Variants in LPP observed in about 807,000 individuals in gnomAD.
LPP encodes the protein lipoma-preferred partner.
LPP carries 38 observed loss-of-function variants against 60.4 expected under a neutral mutation model. The observed-to-expected ratio is 0.63, with a 90% CI of 0.49 to 0.83. The LOEUF (loss-of-function observed/expected upper bound fraction) is 0.83, where lower values mean the gene tolerates loss of function less well. LPP is among the 40% of genes least tolerant of loss of function. The pLI is 0.00. For missense variants in LPP, 902 were observed against 783.6 expected (o/e 1.15, Z -1.80); for synonymous variants, 328 against 290.8 (o/e 1.13, Z -1.30).
chr3:188,737,617 T>C (rs866109484), intron 8 of LPP, among the ~76,000 whole-genome samples: 1 of 152,190 alleles, frequency 6.6e-6, no homozygotes, highest in African/African-American at 2.4e-5. Context: ...CAGTGTGTTC[T>C]TTTTGGTCTT....
intron 6 of LPP, among the ~76,000 whole-genome samples, chr3:188,567,460 GAC>G (rs1388731531): frequency 1.3e-5 from 2 of 151,706 alleles, no homozygotes. Flanking sequence ...CATATTAAGT[GAC>G]ACCTGTTGGT....
chr3:188,806,669 C>T (rs558896937), intron 9 of LPP, among the ~76,000 whole-genome samples: 3 of 151,984 alleles, frequency 2.0e-5, no homozygotes, highest in Non-Finnish European at 2.9e-5. Flanking sequence ...CTCATTTACA[C>T]TATTTGTTTA....
intron 4 of LPP, among the ~76,000 whole-genome samples, chr3:188,418,821 T>C (rs1177592545): frequency 6.6e-6 from 1 of 152,188 alleles, no homozygotes; most frequent in Non-Finnish European, 1.5e-5. Flanking sequence ...GAATAACCAT[T>C]TGGAATTTTC....
chr3:188,592,162 A>C (rs1357858832), intron 6 of LPP, among the ~76,000 whole-genome samples: 2 of 152,308 alleles, frequency 1.3e-5, no homozygotes, highest in East Asian at 3.9e-4. Context: ...ATAGGAAATT[A>C]GTGCATTGGA....
intron 7 of LPP, among the ~76,000 whole-genome samples, chr3:188,645,721 T>C (rs2148884561): frequency 6.6e-6 from 1 of 152,156 alleles, no homozygotes; most frequent in Non-Finnish European, 1.5e-5. Flanking sequence ...TTTAAAGGGA[T>C]AGTGCATTTA....
chr3:188,815,442 T>C (rs537504243), intron 9 of LPP, among the ~76,000 whole-genome samples: 1 of 152,276 alleles, frequency 6.6e-6, no homozygotes, highest in South Asian at 2.1e-4. Context: ...ACTCATTTCC[T>C]TTCTGGCTGA....
chr3:188,331,562 A>T (rs1213311922), intron 2 of LPP, among the ~76,000 whole-genome samples: 1 of 152,228 alleles, frequency 6.6e-6, no homozygotes, highest in Non-Finnish European at 1.5e-5. Context: ...AGATACTCAA[A>T]GATAGCTCTA....
chr3:188,612,541 C>T (rs1560642473), intron 7 of LPP, among the ~76,000 whole-genome samples: 3 of 152,250 alleles, frequency 2.0e-5, no homozygotes, highest in Non-Finnish European at 4.4e-5. Context: ...TGCTTCAAAC[C>T]TCAGTAAAGT....
intron 2 of LPP, among the ~76,000 whole-genome samples, chr3:188,286,687 T>C (rs1744030510): frequency 1.3e-5 from 2 of 152,162 alleles, no homozygotes; most frequent in Admixed American, 6.5e-5. Flanking sequence ...GAAAGCCAGC[T>C]AACTTTATGA....
At chr3:188,404,717 T>C (rs1387433383) in intron 3 of LPP, among the ~76,000 whole-genome samples, 1 of 152,320 alleles carries the variant, frequency 6.6e-6, no homozygotes, top group Middle Eastern at 3.4e-3. Context: ...TTGATTTCTG[T>C]GTTCTGATGC....
At chr3:188,746,555 C>G (rs1159393730) in intron 8 of LPP, 3 of 487,828 alleles carry the variant, frequency 6.1e-6, no homozygotes, top group Non-Finnish European at 1.2e-5. Flanking sequence ...TTTGCACTCT[C>G]CCTGTGTGGT....
intron 3 of LPP, among the ~76,000 whole-genome samples, chr3:188,399,917 C>G (rs1300601528): frequency 3.3e-5 from 5 of 152,234 alleles, no homozygotes; most frequent in African/African-American, 9.6e-5. Flanking sequence ...ACTTGACATT[C>G]ACATGGTATC....
At chr3:188,260,487 T>TTTATTA (rs148739500) in intron 2 of LPP, among the ~76,000 whole-genome samples, 2 of 151,704 alleles carry the variant, frequency 1.3e-5, no homozygotes, top group East Asian at 1.9e-4. Context: ...AAGTGGGCTG[T>TTTATTA]TTATTATTAT....
intron 3 of LPP, among the ~76,000 whole-genome samples, chr3:188,400,920 G>T (rs570357157): frequency 3.3e-5 from 5 of 152,284 alleles, no homozygotes; most frequent in African/African-American, 9.6e-5. Flanking sequence ...ATATGTGCTA[G>T]TTCATCTGTT....
At chr3:188,198,376 T>C (rs948727269) in intron 1 of LPP, among the ~76,000 whole-genome samples, 1 of 152,228 alleles carries the variant, frequency 6.6e-6, no homozygotes, top group South Asian at 2.1e-4. Context: ...CTGCTGTGTA[T>C]AAGGGCCTGG....
intron 1 of LPP, among the ~76,000 whole-genome samples, chr3:188,181,079 G>T (rs1026118416): frequency 1.3e-5 from 2 of 152,098 alleles, no homozygotes; most frequent in Non-Finnish European, 2.9e-5. Flanking sequence ...AATAGGCCTG[G>T]CACGGTGGCT....
intron 3 of LPP, among the ~76,000 whole-genome samples, chr3:188,344,777 G>A (rs1334015171): frequency 7.9e-5 from 12 of 152,146 alleles, no homozygotes; most frequent in African/African-American, 7.2e-5. Flanking sequence ...CACCGGTAGC[G>A]GTAGTCCCTT....
At chr3:188,316,282 AAAAC>A (rs1433710948) in intron 2 of LPP, among the ~76,000 whole-genome samples, 1 of 152,178 alleles carries the variant, frequency 6.6e-6, no homozygotes, top group Non-Finnish European at 1.5e-5. Flanking sequence ...CTGTCTCAAA[AAAAC>A]AAAACAAAAC....
intron 9 of LPP, among the ~76,000 whole-genome samples, chr3:188,858,147 T>G (rs1336201375): frequency 6.6e-6 from 1 of 152,208 alleles, no homozygotes; most frequent in African/African-American, 2.4e-5. Flanking sequence ...GCAGACCTTC[T>G]TTGATGTCTG....
Sources: gnomAD v4.1 joint callset for allele counts (sites outside exome capture counted in the v4.1 genomes callset) on GRCh38, gnomAD v4.1.1 for gene constraint, MANE v1.5 for transcripts, NCBI Gene and HGNC (gene_info 2026-07-23, HGNC 2026-07-21) for gene names.